PRRC1: variants seen among roughly 807,000 people sequenced by gnomAD.
PRRC1 encodes protein PRRC1.
PRRC1 carries 39 observed loss-of-function variants against 40.7 expected under a neutral mutation model. That is an observed-to-expected ratio of 0.96 (90% CI 0.74 to 1.25). PRRC1 has a LOEUF of 1.25. Ranked by LOEUF, PRRC1 falls within the 50% of genes most tolerant of loss-of-function variation. The pLI, the probability that PRRC1 is intolerant of heterozygous loss-of-function variation, is 0.00. For synonymous variants in PRRC1, 175 were observed against 193.3 expected (o/e 0.91, Z 0.79); for missense variants, 573 against 548.3 (o/e 1.05, Z -0.45).
At chr5:127,528,133 CT>C (rs1270623858) in intron 4 of PRRC1, among the ~76,000 whole-genome samples, 1 of 152,046 alleles carries the variant, frequency 6.6e-6, no homozygotes, top group African/African-American at 2.4e-5. Context: ...GGATGATTTT[CT>C]TTTCTTATGA....
At chr5:127,522,627 A>G (rs1767489656) in intron 1 of PRRC1, among the ~76,000 whole-genome samples, 1 of 151,776 alleles carries the variant, frequency 6.6e-6, no homozygotes, top group Non-Finnish European at 1.5e-5. Flanking sequence ...CCTGGTCTCA[A>G]GGGATCCTCC....
At chr5:127,534,591 C>G (rs1269272976) in intron 6 of PRRC1, among the ~76,000 whole-genome samples, 1 of 151,814 alleles carries the variant, frequency 6.6e-6, no homozygotes, top group East Asian at 1.9e-4. Context: ...TTTAGTTTTT[C>G]CCTCCTTCAT....
Position 127,553,161 on chromosome 5 carries a change from G to T in PRRC1, c.*1245G>T. The T allele has an allele frequency of 1.0e-6, 1 of 980,666 alleles. No homozygotes were observed. The highest frequency in any genetic ancestry group is 1.2e-6 in the Non-Finnish European group (1 of 825,830). The allele number at this position is 980,666 out of a possible 1,614,324, so 60.7% of individuals were successfully genotyped here. A position where few individuals can be genotyped will look rare whatever the true frequency, so the allele number is the denominator to read the frequency against. ...TCTATACAGTTCTTTAGATGTAAAAGAATTAGCACAATCTCTGGCAGTTTT... is the reference window on the plus strand; with the variant it reads ...TCTATACAGTTCTTTAGATGTAAAATAATTAGCACAATCTCTGGCAGTTTT... On this transcript the variant is annotated 3_prime_UTR_variant, in exon 9 of 9. Transcript: ENST00000296666.
At chr5:127,521,598 A>T (rs1421851086) in intron 1 of PRRC1, among the ~76,000 whole-genome samples, 1 of 152,176 alleles carries the variant, frequency 6.6e-6, no homozygotes, top group Non-Finnish European at 1.5e-5. Context: ...TTTATGTTCG[A>T]GTGCTATTTC....
intron 7 of PRRC1, among the ~76,000 whole-genome samples, chr5:127,546,709 A>T (rs1421746682): frequency 2.6e-5 from 4 of 152,188 alleles, no homozygotes; most frequent in Non-Finnish European, 4.4e-5. Flanking sequence ...CACACCTGAA[A>T]GCTTGGTTAG....
chr5:127,539,878 A>T (rs233024), intron 7 of PRRC1, among the ~76,000 whole-genome samples: 8 of 151,936 alleles, frequency 5.3e-5, no homozygotes, highest in African/African-American at 1.7e-4. Context: ...AATTGTAAAA[A>T]GGAAACATAA....
chr5:127,554,033 C>A lies in PRRC1; in HGVS notation c.*2117C>A. On this transcript the variant is annotated 3_prime_UTR_variant, in exon 9 of 9. Transcript: ENST00000296666. ...AGCGGAGCATGACTGACTTCACATG[C>A]TCAGCTTTCTCAGCCTTTTGTTTAT... 3 of 807,346 alleles carry A rather than the reference C, an allele frequency of 3.7e-6. No homozygotes were observed. The highest frequency in any genetic ancestry group is 5.5e-6 in the Non-Finnish European group (3 of 541,170). The allele number at this position is 807,346 out of a possible 1,614,324, so 50.0% of individuals were successfully genotyped here.
rs1767825667 is a variant in PRRC1, at chr5:127,533,520, T to C, written c.758-103T>C. The C allele has an allele frequency of 2.3e-5, 22 of 942,818 alleles. No homozygotes were observed. The South Asian group carries it at 3.4e-4, about 15-fold the overall frequency. 58.4% of individuals were successfully genotyped at this position (942,818 alleles called of 1,614,324 possible). On this transcript the variant is annotated intron_variant, in intron 5 of 8. Coordinates refer to ENST00000296666, the MANE Select transcript of PRRC1 (RefSeq NM_130809.5). ...TATATCTTGCATGGTTTTATGAAAC[T>C]GGTAATAATTATGTATATTAGATGT...
At chr5:127,535,874 C>T (rs1274142503) in intron 6 of PRRC1, among the ~76,000 whole-genome samples, 1 of 152,080 alleles carries the variant, frequency 6.6e-6, no homozygotes, top group Non-Finnish European at 1.5e-5. Flanking sequence ...TTTAATTCTA[C>T]TAGGTAGTGC....
Position 127,551,713 on chromosome 5 carries a change from A to C in PRRC1, c.1135A>C (p.Ser379Arg), listed in dbSNP as rs375039892. The stretch of plus-strand genomic sequence containing the variant: ...CAATTTCATCTTTCCACAGGCTCAA[A>C]GTCTAACTCCCCAGGACTATAATCT... ...VPLEFVQQAQ[S>R]LTPQDYNLRW... Residue 379 changes from serine to arginine, a missense_variant, in exon 9 of 9, where the codon AGT becomes CGT. Physicochemically the swap from Ser to Arg is moderately radical, Grantham distance 110. Transcript: ENST00000296666. 76 of 1,614,082 alleles carry C rather than the reference A, an allele frequency of 4.7e-5. No homozygotes were observed. In the African/African-American group the frequency reaches 9.1e-4, roughly 19 times the overall value.
chr5:127,547,357 G>C (rs1768255065), intron 7 of PRRC1, among the ~76,000 whole-genome samples: 2 of 151,974 alleles, frequency 1.3e-5, no homozygotes, highest in Non-Finnish European at 2.9e-5. Flanking sequence ...GAGAGTATTT[G>C]TTATTATTTC....
chr5:127,537,086 T>C (rs149470064), intron 6 of PRRC1, among the ~76,000 whole-genome samples: 95 of 152,026 alleles, frequency 6.2e-4, no homozygotes, highest in African/African-American at 2.3e-3. Context: ...TCTAGAACTT[T>C]TATGCCAAGT....
chr5:127,538,857 A>G (rs757354072), intron 6 of PRRC1, among the ~76,000 whole-genome samples, 183 bp from the exon 7 acceptor site: 12 of 152,148 alleles, frequency 7.9e-5, no homozygotes, highest in Non-Finnish European at 1.8e-4. Context: ...AACTGTTGAT[A>G]CTACGGAAAT....
At chr5:127,548,776 T>C (rs1406560078) in intron 8 of PRRC1, 5 of 152,154 alleles carry the variant, frequency 3.3e-5, no homozygotes, top group Non-Finnish European at 7.4e-5. Context: ...AAGTAACCTC[T>C]GGCCTACTTA....
intron 8 of PRRC1, chr5:127,550,656 T>C (rs923310256): frequency 3.3e-5 from 5 of 152,314 alleles, no homozygotes; most frequent in Admixed American, 3.3e-4. Context: ...AGGAGCTGCA[T>C]TTTAACAAGA....
intron 8 of PRRC1, chr5:127,549,615 GTTATAA>G (rs944894300): frequency 2.6e-5 from 4 of 152,128 alleles, no homozygotes; most frequent in Non-Finnish European, 5.9e-5. Context: ...CACTGAAAAC[GTTATAA>G]TTATGAGGAT....
intron 8 of PRRC1, chr5:127,549,705 C>A (rs1386005069): frequency 3.9e-5 from 6 of 152,150 alleles, no homozygotes; most frequent in Non-Finnish European, 5.9e-5. Flanking sequence ...CCAAATCTGG[C>A]CTGTCATCTT....
Position 127,553,944 on chromosome 5 carries a change from A to G in PRRC1, c.*2028A>G. 6.5e-7 allele frequency: 1 copy of G among 1,530,806 alleles called. No individual in the cohort carries two copies. The highest frequency in any genetic ancestry group is 2.4e-5 in the East Asian group (1 of 40,846). The allele number at this position is 1,530,806 out of a possible 1,614,324, so 94.8% of individuals were successfully genotyped here. Reference sequence around the variant, plus strand: ...AAGATGAGAGATGGTCAGATGGAAGAGAGAAATACATGAACTGCTCTGGCC... The same window carrying G: ...AAGATGAGAGATGGTCAGATGGAAGGGAGAAATACATGAACTGCTCTGGCC... On this transcript the variant is annotated 3_prime_UTR_variant, in exon 9 of 9. Coordinates refer to ENST00000296666, the MANE Select transcript of PRRC1 (RefSeq NM_130809.5).
At chr5:127,551,273 T>A in intron 8 of PRRC1, 1 of 198,302 alleles carries the variant, frequency 5.0e-6, no homozygotes, top group Non-Finnish European at 1.0e-5. Flanking sequence ...TTGATACATA[T>A]TAACATGTGA....
Sources: gnomAD v4.1 joint callset for allele counts (sites outside exome capture counted in the v4.1 genomes callset) on GRCh38, gnomAD v4.1.1 for gene constraint, MANE v1.5 for transcripts, NCBI Gene and HGNC (gene_info 2026-07-23, HGNC 2026-07-21) for gene names.